The following JARID2 variants were observed in gnomAD, a reference collection of about 807,000 sequenced individuals.
JARID2 encodes jumonji and AT-rich interaction domain containing 2, also known as protein Jumonji.
A neutral mutation model predicts 125.6 loss-of-function variants in JARID2; 21 were observed. That is an observed-to-expected ratio of 0.17 (90% CI 0.12 to 0.24). The LOEUF (loss-of-function observed/expected upper bound fraction) is 0.24. JARID2 is among the 10% of genes least tolerant of loss of function. The probability of loss-of-function intolerance (pLI) is 1.00; values close to 1 mark genes in which losing one functional copy is unlikely to be tolerated. For missense variants in JARID2, 1,303 were observed against 1,639.6 expected (o/e 0.79, Z 3.55); for synonymous variants, 736 against 661.6 (o/e 1.11, Z -1.73).
At chr6:15,394,040 G>A (rs1765123681) in intron 2 of JARID2, among the ~76,000 whole-genome samples, 1 of 152,090 alleles carries the variant, frequency 6.6e-6, no homozygotes, top group Non-Finnish European at 1.5e-5. Context: ...TGAAGATGAG[G>A]TCTTCTACTT....
intron 2 of JARID2, among the ~76,000 whole-genome samples, chr6:15,375,335 G>A (rs528602830): frequency 1.3e-5 from 2 of 152,314 alleles, no homozygotes; most frequent in African/African-American, 4.8e-5. Context: ...TGAAAGAAGA[G>A]CCTCTGTCCA....
chr6:15,487,181 G>A lies in JARID2; in HGVS notation c.671-126G>A, dbSNP rs115154975. 4.8e-3 allele frequency: 3,696 copies of A among 763,258 alleles called. 91 individuals carry two copies. The African/African-American group carries it at 0.054, about 11-fold the overall frequency. The allele number at this position is 763,258 out of a possible 1,614,324, so 47.3% of individuals were successfully genotyped here. A position where few individuals can be genotyped will look rare whatever the true frequency, so the allele number is the denominator to read the frequency against. On this transcript the variant is annotated intron_variant, in intron 5 of 17. Transcript: ENST00000341776. The stretch of plus-strand genomic sequence containing the variant: ...CCAGTCACCTCCCACCAGTTCCCTC[G>A]CTAACACATGGGGATTACAGTTGGA...
chr6:15,486,878 G>GT (rs371057970), intron 5 of JARID2, among the ~76,000 whole-genome samples: 1 of 141,058 alleles, frequency 7.1e-6, no homozygotes, highest in African/African-American at 2.8e-5. Context: ...ACTTCAGGGA[G>GT]TAGAGGTGTA....
intron 1 of JARID2, among the ~76,000 whole-genome samples, chr6:15,363,788 A>G (rs900110008): frequency 6.6e-6 from 1 of 152,138 alleles, no homozygotes; most frequent in African/African-American, 2.4e-5. Flanking sequence ...TTGGAGGGAA[A>G]ATGTGCATCA....
intron 4 of JARID2, among the ~76,000 whole-genome samples, chr6:15,453,602 C>G (rs969737919): frequency 1.3e-5 from 2 of 152,214 alleles, no homozygotes; most frequent in African/African-American, 4.8e-5. Flanking sequence ...TTCTTTGAAA[C>G]TAGTACATAC....
At chr6:15,344,191 T>A (rs1247846806) in intron 1 of JARID2, among the ~76,000 whole-genome samples, 1 of 149,558 alleles carries the variant, frequency 6.7e-6, no homozygotes, top group Admixed American at 6.8e-5. Context: ...CCTTGAAGCG[T>A]TTTTGGAAAG....
At chr6:15,467,068 G>A (rs2127672868) in intron 4 of JARID2, among the ~76,000 whole-genome samples, 1 of 152,308 alleles carries the variant, frequency 6.6e-6, no homozygotes, top group South Asian at 2.1e-4. Flanking sequence ...TAATTTGGGG[G>A]GTTTTTGAAC....
chr6:15,518,841 A>G (rs1771690609), intron 17 of JARID2, among the ~76,000 whole-genome samples: 1 of 152,012 alleles, frequency 6.6e-6, no homozygotes, highest in Non-Finnish European at 1.5e-5. Context: ...AATCTTCTCA[A>G]CCTCCCAGTG....
chr6:15,260,015 A>G (rs1294750791), intron 1 of JARID2, among the ~76,000 whole-genome samples: 1 of 152,192 alleles, frequency 6.6e-6, no homozygotes, highest in Non-Finnish European at 1.5e-5. Flanking sequence ...TTGACCTAAA[A>G]CTTTAAGTAA....
intron 1 of JARID2, among the ~76,000 whole-genome samples, chr6:15,309,886 G>A (rs1761957575): frequency 6.6e-6 from 1 of 152,112 alleles, no homozygotes; most frequent in Non-Finnish European, 1.5e-5. Context: ...TAGGAAGAGG[G>A]ATGGATGCTC....
chr6:15,320,811 GC>G (rs931509316), intron 1 of JARID2, among the ~76,000 whole-genome samples: 1 of 150,976 alleles, frequency 6.6e-6, no homozygotes, highest in African/African-American at 2.4e-5. Context: ...ATTATTTTCA[GC>G]CATGGCCATG....
intron 3 of JARID2, among the ~76,000 whole-genome samples, chr6:15,428,350 A>G (rs1481186241): frequency 6.6e-6 from 1 of 151,970 alleles, no homozygotes; most frequent in Admixed American, 6.6e-5. Flanking sequence ...TACATGTGCC[A>G]TGTTGGTGTG....
At chr6:15,339,334 A>G (rs2127466094) in intron 1 of JARID2, among the ~76,000 whole-genome samples, 1 of 152,258 alleles carries the variant, frequency 6.6e-6, no homozygotes, top group African/African-American at 2.4e-5. Context: ...CTAAAGGATA[A>G]ATATATTACT....
chr6:15,288,674 A>G (rs1230032332), intron 1 of JARID2, among the ~76,000 whole-genome samples: 1 of 152,176 alleles, frequency 6.6e-6, no homozygotes, highest in Admixed American at 6.5e-5. Flanking sequence ...TTTCACATGT[A>G]TTATATCAGT....
At chr6:15,283,039 CG>C (rs1760822985) in intron 1 of JARID2, among the ~76,000 whole-genome samples, 1 of 151,722 alleles carries the variant, frequency 6.6e-6, no homozygotes, top group Non-Finnish European at 1.5e-5. Flanking sequence ...AGTGTAGTGG[CG>C]CGATCTTGGC....
chr6:15,366,386 A>G lies in JARID2; in HGVS notation c.46-7731A>G, dbSNP rs138535632. 3.4e-3 allele frequency among the ~76,000 whole-genome samples: 513 copies of G among 151,200 alleles called. 4 individuals are homozygous for G. The highest frequency in any genetic ancestry group is 0.012 in the African/African-American group (496 of 41,148). ...CAGATCCACCATCCTTAATCCCATG[A>G]TATGACATTGCATGTTGGTCCTTTG... On this transcript the variant is annotated intron_variant, in intron 1 of 17. Transcript: ENST00000341776.
intron 3 of JARID2, among the ~76,000 whole-genome samples, chr6:15,415,703 C>T (rs1766148768): frequency 6.8e-6 from 1 of 147,940 alleles, no homozygotes; most frequent in Non-Finnish European, 1.5e-5. Context: ...GCTGACCCCC[C>T]CACCTCCTTC....
Position 15,501,158 on chromosome 6 carries a change from C to A in JARID2, c.2197C>A (p.Arg733Ser). 1 of 1,614,084 alleles carries A rather than the reference C, an allele frequency of 6.2e-7. No individual in the cohort carries two copies. The highest frequency in any genetic ancestry group is 8.5e-7 in the Non-Finnish European group (1 of 1,180,016). ...GATGGAGAAGGAGATCCTGGAGAAGCGCAAGGGGCCGCTGGAAGGCCACAC... is the reference window on the plus strand; with the variant it reads ...GATGGAGAAGGAGATCCTGGAGAAGAGCAAGGGGCCGCTGGAAGGCCACAC... ...VLMEKEILEK[R>S]KGPLEGHTEN... The change falls in exon 8 of 18, where the codon CGC (arginine) becomes AGC (serine). Residue 733 changes from arginine to serine, a missense_variant. This residue lies in a region of JARID2 where 124 missense variants were observed against 131.0 expected (regional missense o/e 0.95). Transcript: ENST00000341776.
intron 1 of JARID2, among the ~76,000 whole-genome samples, chr6:15,328,983 G>A (rs1762619761): frequency 1.3e-5 from 2 of 152,162 alleles, no homozygotes; most frequent in African/African-American, 4.8e-5. Flanking sequence ...ATCTTCAAAT[G>A]TAGTATCTTA....
Sources: gnomAD v4.1 joint callset for allele counts (sites outside exome capture counted in the v4.1 genomes callset) on GRCh38, gnomAD v4.1.1 for gene constraint, gnomAD v4.1.1 regional missense constraint, MANE v1.5 for transcripts, NCBI Gene and HGNC (gene_info 2026-07-23, HGNC 2026-07-21) for gene names.